The following NUP160 variants were observed in gnomAD, a reference collection of about 807,000 sequenced individuals.
NUP160 encodes nucleoporin 160, also known as nuclear pore complex protein Nup160.
In NUP160, 94 loss-of-function variants were observed where a neutral mutation model predicts 196.9. The ratio of observed to expected loss-of-function variants is 0.48; its 90% CI spans 0.40 to 0.57. NUP160 has a LOEUF of 0.57. Among genes scored for constraint, NUP160 ranks in the 20% least tolerant of loss-of-function variants. The probability of loss-of-function intolerance (pLI) is 0.00; values close to 1 mark genes in which losing one functional copy is unlikely to be tolerated. For synonymous variants in NUP160, 605 were observed against 619.7 expected, an observed-to-expected ratio of 0.98 and a Z score of 0.35; for missense variants, 1,638 against 1,748.3, an observed-to-expected ratio of 0.94 and a Z score of 1.13.
intron 34 of NUP160, among the ~76,000 whole-genome samples, chr11:47,780,800 C>T (rs571970318): frequency 2.0e-5 from 3 of 151,996 alleles, no homozygotes; most frequent in African/African-American, 4.8e-5. Flanking sequence ...CCTTGGCCTC[C>T]GAAAGTGAGC....
At chr11:47,816,781 GAAA>G (rs11347850) in intron 11 of NUP160, among the ~76,000 whole-genome samples, 5 of 140,878 alleles carry the variant, frequency 3.5e-5, no homozygotes, top group Middle Eastern at 3.5e-3. Context: ...GCCTCAAAGG[GAAA>G]AAAAAAAAAA....
At chr11:47,831,027 A>C (rs1852063242) in intron 7 of NUP160, among the ~76,000 whole-genome samples, 1 of 152,088 alleles carries the variant, frequency 6.6e-6, no homozygotes, top group East Asian at 1.9e-4. Flanking sequence ...GCCAGGCATG[A>C]TGGCGTGAGC....
chr11:47,826,568 C>CG (rs1191745357), intron 7 of NUP160, among the ~76,000 whole-genome samples: 2 of 151,458 alleles, frequency 1.3e-5, no homozygotes, highest in South Asian at 2.1e-4. Context: ...AATCCCCCCC[C>CG]CCTTTTTTTT....
rs116906846 is a variant in NUP160 at position 47,825,596 on chromosome 11, G to A, written c.1102-3432C>T. Among the ~76,000 whole-genome samples, 26 of 152,102 alleles carry A rather than the reference G, an allele frequency of 1.7e-4. No individual in the cohort carries two copies. The East Asian group carries it at 5.0e-3, about 30-fold the overall frequency. ...GCCTCGCGAGTAGTTGGGATTTACAGGCACGCACTACCATGCCCAGCTAGT... is the reference window on the plus strand; with the variant it reads ...GCCTCGCGAGTAGTTGGGATTTACAAGCACGCACTACCATGCCCAGCTAGT... On this transcript the variant is annotated intron_variant, in intron 7 of 35. Transcript: ENST00000378460.
At chr11:47,816,902 C>T (rs1388152920) in intron 11 of NUP160, among the ~76,000 whole-genome samples, 1 of 151,946 alleles carries the variant, frequency 6.6e-6, no homozygotes, top group Admixed American at 6.6e-5. Context: ...CCTTGGCCTC[C>T]CAAAGTGCTG....
intron 7 of NUP160, among the ~76,000 whole-genome samples, chr11:47,823,250 G>C (rs1851899789): frequency 6.6e-6 from 1 of 152,070 alleles, no homozygotes; most frequent in Admixed American, 6.6e-5. Context: ...ACTATTTTTA[G>C]CAGTGTTAAG....
intron 7 of NUP160, among the ~76,000 whole-genome samples, chr11:47,834,830 C>G (rs10838775): frequency 0.35 from 53,040 of 151,824 alleles, 10,717 homozygotes; most frequent in South Asian, 0.52. Flanking sequence ...GGGAGGAGCA[C>G]GAACAGTTTG....
chr11:47,786,039 G>T (rs1340756891), intron 32 of NUP160, among the ~76,000 whole-genome samples: 1 of 152,196 alleles, frequency 6.6e-6, no homozygotes, highest in African/African-American at 2.4e-5. Flanking sequence ...TGGATGATGG[G>T]GGCTGATGGG....
chr11:47,841,699 G>T (rs199914434), intron 2 of NUP160: 54 of 279,370 alleles, frequency 1.9e-4, no homozygotes, highest in African/African-American at 1.1e-3. Context: ...TTGTTTGTTT[G>T]TTTTTTTTTT....
intron 7 of NUP160, among the ~76,000 whole-genome samples, chr11:47,830,975 C>T (rs930866753): frequency 6.6e-6 from 1 of 152,024 alleles, no homozygotes; most frequent in East Asian, 1.9e-4. Flanking sequence ...ACCAGCCTGG[C>T]CAACATGGTG....
At position 47,848,337 on chromosome 11, in the gene NUP160, A is replaced by G. The variant is rs747177631; in HGVS notation, c.84T>C (p.Arg28=). 37 of 1,613,172 alleles carry G rather than the reference A, an allele frequency of 2.3e-5. No homozygotes were observed. The South Asian group carries it at 3.4e-4, about 15-fold the overall frequency. ...CCGCCATCTTCCCGCCGTCGCCGCG[A>G]CGCCCAACGGAACAAAGGCAGGGCC... Residue 28 remains arginine, a synonymous_variant, in exon 1 of 36, where the codon CGT becomes CGC. Transcript: ENST00000378460.
At chr11:47,845,144 T>C (rs1287845550) in intron 2 of NUP160, among the ~76,000 whole-genome samples, 1 of 152,136 alleles carries the variant, frequency 6.6e-6, no homozygotes, top group African/African-American at 2.4e-5. Flanking sequence ...ATTCTTTTAT[T>C]TACATTTTTT....
intron 27 of NUP160, among the ~76,000 whole-genome samples, chr11:47,796,933 T>C (rs545106598): frequency 1.3e-4 from 20 of 152,268 alleles, no homozygotes; most frequent in South Asian, 6.2e-4. Context: ...CATTAAGCGA[T>C]CCACCTGCCT....
chr11:47,788,093 T>C, intron 31 of NUP160, 89 bp downstream of exon 31: 1 of 1,054,598 alleles, frequency 9.5e-7, no homozygotes, highest in Non-Finnish European at 1.4e-6. Flanking sequence ...ATATATGGGC[T>C]ACTTGGCTTA....
intron 18 of NUP160, 134 bp downstream of exon 18, chr11:47,808,262 G>A (rs1486715007): frequency 1.3e-6 from 1 of 753,496 alleles, no homozygotes; most frequent in African/African-American, 1.8e-5. Flanking sequence ...GCCTGGGTGA[G>A]AGAGAGCGAG....
chr11:47,791,552 G>A (rs917789538), intron 29 of NUP160, among the ~76,000 whole-genome samples: 1 of 152,050 alleles, frequency 6.6e-6, no homozygotes, highest in Non-Finnish European at 1.5e-5. Flanking sequence ...CACTGACCAG[G>A]CTGGTCTTGA....
chr11:47,808,447 A>T, exon 18 of NUP160: 1 of 1,613,518 alleles, frequency 6.2e-7, no homozygotes, highest in African/African-American at 1.3e-5. Context: ...CCATTTAATG[A>T]GGTAATAAGA....
At chr11:47,808,785 T>G (rs956870468) in intron 17 of NUP160, among the ~76,000 whole-genome samples, 3 of 152,058 alleles carry the variant, frequency 2.0e-5, no homozygotes, top group Admixed American at 2.0e-4. Context: ...AGCTTAACTT[T>G]CATTAAATCT....
chr11:47,828,723 C>T (rs984944681), intron 7 of NUP160, among the ~76,000 whole-genome samples: 1 of 152,080 alleles, frequency 6.6e-6, no homozygotes. Flanking sequence ...CAGTGTGGTA[C>T]CAGCACAAGG....
Sources: gnomAD v4.1 joint callset for allele counts (sites outside exome capture counted in the v4.1 genomes callset) on GRCh38, gnomAD v4.1.1 for gene constraint, MANE v1.5 for transcripts, NCBI Gene and HGNC (gene_info 2026-07-23, HGNC 2026-07-21) for gene names.